RBFOX1: variants seen among roughly 807,000 people sequenced by gnomAD.
The protein encoded by RBFOX1 is RNA binding fox-1 homolog 1.
In RBFOX1, 8 loss-of-function variants were observed where a neutral mutation model predicts 57.7. That is an observed-to-expected ratio of 0.14 (90% CI 0.08 to 0.25). The LOEUF (loss-of-function observed/expected upper bound fraction) is 0.25. Among genes scored for constraint, RBFOX1 ranks in the 10% least tolerant of loss-of-function variants. The pLI is 1.00. For synonymous variants in RBFOX1, 326 were observed against 222.4 expected (o/e 1.47, Z -4.15); for missense variants, 611 against 548.5 (o/e 1.11, Z -1.14).
At chr16:7,255,027 T>C (rs1260462057) in intron 4 of RBFOX1, among the ~76,000 whole-genome samples, 1 of 152,198 alleles carries the variant, frequency 6.6e-6, no homozygotes, top group Non-Finnish European at 1.5e-5. Flanking sequence ...GTGCATAATT[T>C]TGGAACTTTA....
intron 4 of RBFOX1, among the ~76,000 whole-genome samples, chr16:7,196,767 G>A (rs1464292113): frequency 6.6e-6 from 1 of 152,094 alleles, no homozygotes; most frequent in Non-Finnish European, 1.5e-5. Context: ...GGGAAGCCTG[G>A]GCAGGCTTTT....
At chr16:5,987,562 G>T (rs934398396) in intron 4 of RBFOX1, among the ~76,000 whole-genome samples, 3 of 152,072 alleles carry the variant, frequency 2.0e-5, no homozygotes, top group Non-Finnish European at 1.5e-5. Flanking sequence ...GGGCACAGGG[G>T]CATGTGGGCA....
intron 3 of RBFOX1, among the ~76,000 whole-genome samples, chr16:5,660,979 G>A (rs557840779): frequency 6.6e-6 from 1 of 152,166 alleles, no homozygotes; most frequent in Non-Finnish European, 1.5e-5. Flanking sequence ...GGGTTGAGGA[G>A]GTAGCGCCAT....
In RBFOX1 at chr16:7,573,518, T is replaced by TA. The variant is rs2093005961; in HGVS notation, c.271-6258dup. Among the ~76,000 whole-genome samples, 5 of 152,280 alleles carry TA rather than the reference T, an allele frequency of 3.3e-5. No homozygotes were observed. The Middle Eastern group carries it at 0.017, about 518-fold the overall frequency. The stretch of plus-strand genomic sequence containing the variant: ...CCAAATATGGTAATGTCCATTCAGG[T>TA]AGGTCTCACTTTAGAGCCAAACATA... On this transcript the variant is annotated intron_variant, in intron 5 of 15. Coordinates refer to ENST00000550418, the MANE Select transcript of RBFOX1 (RefSeq NM_018723.4).
At chr16:5,776,094 C>T (rs1005109677) in intron 3 of RBFOX1, among the ~76,000 whole-genome samples, 1 of 152,160 alleles carries the variant, frequency 6.6e-6, no homozygotes, top group Non-Finnish European at 1.5e-5. Flanking sequence ...ATTATGTCTA[C>T]ATTTCTGGGA....
intron 3 of RBFOX1, among the ~76,000 whole-genome samples, chr16:6,694,865 G>A (rs1196999788): frequency 1.3e-5 from 2 of 151,940 alleles, no homozygotes; most frequent in Non-Finnish European, 2.9e-5. Flanking sequence ...CCGGAGCCCT[G>A]GGAACCACAC....
intron 2 of RBFOX1, among the ~76,000 whole-genome samples, chr16:6,411,459 T>C (rs184361386): frequency 1.1e-3 from 168 of 152,342 alleles, no homozygotes; most frequent in Non-Finnish European, 2.0e-3. Flanking sequence ...CAATTTTAGG[T>C]CTGGTGATAA....
rs559949334 is a variant in RBFOX1, at chr16:7,088,978, A to T, written c.27+36880A>T. 2.0e-5 allele frequency among the ~76,000 whole-genome samples: 3 copies of T among 152,278 alleles called. No homozygotes were observed. The South Asian group carries it at 6.2e-4, about 32-fold the overall frequency. Reference sequence around the variant, plus strand: ...TATGAACTCTCTTTGCTGTAAAGGAAGAAGGCCTTTTTGTTGAATTCTTTG... The same window carrying T: ...TATGAACTCTCTTTGCTGTAAAGGATGAAGGCCTTTTTGTTGAATTCTTTG... On this transcript the variant is annotated intron_variant, in intron 4 of 15. Transcript: ENST00000550418.
At chr16:6,099,434 T>C (rs762737839) in intron 1 of RBFOX1, among the ~76,000 whole-genome samples, 19 of 152,152 alleles carry the variant, frequency 1.2e-4, no homozygotes, top group Non-Finnish European at 2.1e-4. Context: ...AAGAATTCAG[T>C]CAATTGATTA....
chr16:6,532,707 G>A (rs1294719404), intron 2 of RBFOX1, among the ~76,000 whole-genome samples: 3 of 152,150 alleles, frequency 2.0e-5, no homozygotes, highest in Non-Finnish European at 4.4e-5. Context: ...CTCCTGGACA[G>A]TTGCACTGGA....
At chr16:6,306,959 C>G (rs1050133648) in intron 1 of RBFOX1, among the ~76,000 whole-genome samples, 4 of 152,130 alleles carry the variant, frequency 2.6e-5, no homozygotes, top group African/African-American at 9.7e-5. Context: ...TACCTTCTCT[C>G]CTTTTGCTAG....
At chr16:6,022,133 C>G (rs544870347) in intron 1 of RBFOX1, among the ~76,000 whole-genome samples, 15 of 152,172 alleles carry the variant, frequency 9.9e-5, no homozygotes, top group Non-Finnish European at 2.1e-4. Context: ...TGGCATTTGA[C>G]TTGCTGTCTT....
At chr16:7,394,267 G>A (rs79134481) in intron 4 of RBFOX1, among the ~76,000 whole-genome samples, 9,250 of 128,952 alleles carry the variant, frequency 0.072, 414 homozygotes, top group East Asian at 0.16. Flanking sequence ...AAAAAAAAGA[G>A]AGAAAGAAAT....
intron 1 of RBFOX1, among the ~76,000 whole-genome samples, chr16:5,413,261 T>C (rs575072909): frequency 2.0e-5 from 3 of 152,138 alleles, no homozygotes; most frequent in Non-Finnish European, 4.4e-5. Context: ...TCTTCTAATA[T>C]TAACAAGGCA....
At chr16:5,810,290 C>T (rs11865171) in intron 3 of RBFOX1, among the ~76,000 whole-genome samples, 5,358 of 151,952 alleles carry the variant, frequency 0.035, 254 homozygotes, top group African/African-American at 0.11. Flanking sequence ...CTAACCTGCA[C>T]ATTGTGCACA....
chr16:6,129,658 C>T (rs2096615341), intron 1 of RBFOX1, among the ~76,000 whole-genome samples: 1 of 135,502 alleles, frequency 7.4e-6, no homozygotes, highest in Non-Finnish European at 1.5e-5. Context: ...CATCCATTTA[C>T]AGGTCCAAGA....
At chr16:5,542,892 T>G (rs965678798) in intron 2 of RBFOX1, among the ~76,000 whole-genome samples, 2 of 152,226 alleles carry the variant, frequency 1.3e-5, no homozygotes, top group African/African-American at 2.4e-5. Flanking sequence ...GAAATTATTT[T>G]AAGAGCTGCT....
intron 2 of RBFOX1, among the ~76,000 whole-genome samples, chr16:5,559,706 C>T (rs9925575): frequency 0.064 from 9,777 of 152,266 alleles, 862 homozygotes; most frequent in African/African-American, 0.2. Flanking sequence ...TCCCAAATCT[C>T]TTTCTTCCTA....
intron 3 of RBFOX1, among the ~76,000 whole-genome samples, chr16:6,869,002 C>T (rs2143003721): frequency 6.6e-6 from 1 of 152,236 alleles, no homozygotes; most frequent in East Asian, 1.9e-4. Flanking sequence ...CCCTGAGTGA[C>T]TACAAAAAAC....
Sources: gnomAD v4.1 joint callset for allele counts (sites outside exome capture counted in the v4.1 genomes callset) on GRCh38, gnomAD v4.1.1 for gene constraint, MANE v1.5 for transcripts, NCBI Gene and HGNC (gene_info 2026-07-23, HGNC 2026-07-21) for gene names.